Variants in ACOXL observed in about 807,000 individuals in gnomAD.
ACOXL encodes the protein acyl-CoA oxidase like.
Under a neutral mutation model 71.9 loss-of-function variants are expected in ACOXL, and 70 were observed. The ratio of observed to expected loss-of-function variants is 0.97; its 90% CI spans 0.80 to 1.19. ACOXL has a LOEUF of 1.19. ACOXL is among the 50% of genes most tolerant of loss of function. The probability of loss-of-function intolerance (pLI) is 0.00; values close to 1 mark genes in which losing one functional copy is unlikely to be tolerated. For synonymous variants in ACOXL, 253 were observed against 281.6 expected (o/e 0.90, Z 1.02); for missense variants, 703 against 736.3 (o/e 0.95, Z 0.52).
intron 9 of ACOXL, among the ~76,000 whole-genome samples, chr2:110,834,552 A>G (rs1014205523): frequency 1.3e-5 from 2 of 152,372 alleles, no homozygotes; most frequent in Non-Finnish European, 2.9e-5. Flanking sequence ...GGGCACACAC[A>G]CACAAGTAAG....
intron 14 of ACOXL, among the ~76,000 whole-genome samples, chr2:111,005,706 A>T (rs917620062): frequency 6.6e-6 from 1 of 152,138 alleles, no homozygotes; most frequent in Non-Finnish European, 1.5e-5. Context: ...GGAAAATGCA[A>T]GCTGTCTGTG....
Position 110,774,872 on chromosome 2 carries a change from G to A in ACOXL, c.75+6408G>A, listed in dbSNP as rs75783221. On this transcript the variant is annotated intron_variant, in intron 2 of 17. Transcript: ENST00000439055. ...ACTCTGAATAGCCAAAGCAATCTTG[G>A]AAAAGAAGAATAAAGTTGGAGGCCT... Among the ~76,000 whole-genome samples, 881 of 152,288 alleles carry A rather than the reference G, an allele frequency of 5.8e-3. 5 individuals are homozygous for A. The highest frequency in any genetic ancestry group is 0.034 in the Middle Eastern group (10 of 294).
At chr2:110,856,192 A>C (rs1465293972) in intron 10 of ACOXL, among the ~76,000 whole-genome samples, 1 of 152,144 alleles carries the variant, frequency 6.6e-6, no homozygotes, top group African/African-American at 2.4e-5. Flanking sequence ...TCCTCTCCTA[A>C]GACAGAAAAG....
intron 2 of ACOXL, among the ~76,000 whole-genome samples, chr2:110,772,264 T>C (rs72832810): frequency 0.028 from 4,329 of 152,280 alleles, 81 homozygotes; most frequent in East Asian, 0.055. Context: ...CTTGCCCCTG[T>C]CTGCACAATA....
chr2:110,952,885 T>G (rs1356327172), intron 12 of ACOXL, among the ~76,000 whole-genome samples: 1 of 152,230 alleles, frequency 6.6e-6, no homozygotes, highest in African/African-American at 2.4e-5. Context: ...TAAATGCTGC[T>G]TTGGTCATAT....
At chr2:110,992,068 A>G (rs1438126954) in intron 13 of ACOXL, among the ~76,000 whole-genome samples, 2 of 152,156 alleles carry the variant, frequency 1.3e-5, no homozygotes, top group East Asian at 1.9e-4. Context: ...TGATTCCATC[A>G]TTTTGGAAGC....
intron 10 of ACOXL, among the ~76,000 whole-genome samples, chr2:110,893,090 T>G (rs977701782): frequency 1.3e-5 from 2 of 152,200 alleles, no homozygotes; most frequent in Non-Finnish European, 2.9e-5. Context: ...TAAAAAATGC[T>G]TCTAATAGGA....
At position 110,816,757 on chromosome 2, in the gene ACOXL, G is replaced by A. The variant is rs1218530439; in HGVS notation, c.753+11362G>A. 2.6e-5 allele frequency among the ~76,000 whole-genome samples: 4 copies of A among 152,326 alleles called. No homozygotes were observed. The South Asian group carries it at 8.3e-4, about 32-fold the overall frequency. ...GAGCAGCCGTGGCCTAAAGTATAGA[G>A]GAACTGGGTTAAGGGGAATTCTATC... On this transcript the variant is annotated intron_variant, in intron 9 of 17. Coordinates refer to ENST00000439055, the MANE Select transcript of ACOXL (RefSeq NM_001142807.4).
rs1217725667 is a variant in ACOXL at position 110,846,637 on chromosome 2, ACACG to A, written c.788+5236_788+5239del. On this transcript the variant is annotated intron_variant, in intron 10 of 17. Transcript: ENST00000439055. ...CGCATGTGAGCATGCAAGTATGCAT[ACACG>A]CACACACACACACACACACACACAC... 3.5e-5 allele frequency among the ~76,000 whole-genome samples: 4 copies of A among 114,740 alleles called. No individual in the cohort carries two copies. In the Admixed American group the frequency reaches 4.1e-4, roughly 12 times the overall value. 75.3% of individuals were successfully genotyped at this position (114,740 alleles called of 152,430 possible). A position where few individuals can be genotyped will look rare whatever the true frequency, so the allele number is the denominator to read the frequency against.
intron 1 of ACOXL, among the ~76,000 whole-genome samples, chr2:110,744,481 G>A (rs778892698): frequency 1.7e-4 from 26 of 152,260 alleles, no homozygotes; most frequent in Middle Eastern, 6.8e-3. Flanking sequence ...TGAAGAAAAT[G>A]GTGAGCTGGT....
intron 14 of ACOXL, among the ~76,000 whole-genome samples, chr2:111,004,899 G>A (rs774987720): frequency 6.6e-6 from 1 of 152,148 alleles, no homozygotes; most frequent in Non-Finnish European, 1.5e-5. Context: ...ACAGTGGCCC[G>A]AATGGCAGAT....
chr2:110,927,444 C>T (rs1208060984), intron 11 of ACOXL, among the ~76,000 whole-genome samples: 6 of 152,182 alleles, frequency 3.9e-5, no homozygotes, highest in African/African-American at 1.4e-4. Flanking sequence ...ACTGAGGCCT[C>T]CACACCTGTC....
chr2:110,967,035 T>C (rs2061963330), intron 12 of ACOXL, among the ~76,000 whole-genome samples: 1 of 152,138 alleles, frequency 6.6e-6, no homozygotes. Flanking sequence ...AAATTGCAAC[T>C]TAAATGAGAA....
chr2:110,775,108 A>T (rs1443354027), intron 2 of ACOXL, among the ~76,000 whole-genome samples: 2 of 152,242 alleles, frequency 1.3e-5, no homozygotes, highest in African/African-American at 4.8e-5. Context: ...GGATAACTGG[A>T]TATCTACAAG....
chr2:110,799,226 A>G (rs570127165), intron 7 of ACOXL, 126 bp downstream of exon 7: 3 of 876,982 alleles, frequency 3.4e-6, no homozygotes, highest in Non-Finnish European at 5.6e-6. Context: ...CCCAGAGAAG[A>G]TGTCCAGATT....
At chr2:111,072,051 A>C (rs920156848) in intron 16 of ACOXL, among the ~76,000 whole-genome samples, 1 of 152,240 alleles carries the variant, frequency 6.6e-6, no homozygotes, top group African/African-American at 2.4e-5. Context: ...ATGAAAGAAC[A>C]GGGAGATCCT....
At position 110,793,694 on chromosome 2, in the gene ACOXL, C is replaced by G; in HGVS notation, c.204C>G (p.Leu68=). 1 of 1,614,122 alleles carries G rather than the reference C, an allele frequency of 6.2e-7. No homozygotes were observed. Among genetic ancestry groups the G allele is most frequent in the Non-Finnish European group, 8.5e-7 (1 of 1,180,016 alleles). Residue 68 remains leucine (L), a synonymous_variant, in exon 4 of 18, where the codon CTC becomes CTG. Coordinates refer to ENST00000439055, the MANE Select transcript of ACOXL (RefSeq NM_001142807.4). ...YWLFGGAIRN[L]GSPEHVTKWF... is the part of the protein sequence containing the mutation. Reference sequence around the variant, plus strand: ...TATTTGGTGGTGCTATCAGGAATCTCGGAAGCCCTGAACATGTTACTAAGT... The same window carrying G: ...TATTTGGTGGTGCTATCAGGAATCTGGGAAGCCCTGAACATGTTACTAAGT...
chr2:110,732,832 C>G (rs1676338244), intron 1 of ACOXL, 58 bp downstream of exon 1: 1 of 152,312 alleles, frequency 6.6e-6, no homozygotes, highest in South Asian at 2.1e-4. Context: ...AGCGTGTCCC[C>G]TCGGTCCCCG....
chr2:110,735,912 A>G (rs1573252158), intron 1 of ACOXL, among the ~76,000 whole-genome samples: 1 of 152,132 alleles, frequency 6.6e-6, no homozygotes, highest in South Asian at 2.1e-4. Context: ...AGAGGTAGGT[A>G]CAGCACACAC....
Sources: gnomAD v4.1 joint callset for allele counts (sites outside exome capture counted in the v4.1 genomes callset) on GRCh38, gnomAD v4.1.1 for gene constraint, MANE v1.5 for transcripts, NCBI Gene and HGNC (gene_info 2026-07-23, HGNC 2026-07-21) for gene names.